The following MCUB variants were observed in gnomAD, a reference collection of about 807,000 sequenced individuals.
The protein encoded by MCUB is calcium uniporter regulatory subunit MCUb, mitochondrial.
In MCUB, 46 loss-of-function variants were observed where a neutral mutation model predicts 41.4. That is an observed-to-expected ratio of 1.11 (90% CI 0.88 to 1.42). MCUB has a LOEUF of 1.42. Among genes scored for constraint, MCUB ranks in the 40% most tolerant of loss-of-function variants. The pLI, the probability that MCUB is intolerant of heterozygous loss-of-function variation, is 0.00. For missense variants in MCUB, 403 were observed against 404.9 expected (o/e 1.00, Z 0.04); for synonymous variants, 148 against 148.2 (o/e 1.00, Z 0.01).
At chr4:109,644,512 T>C (rs1383804685) in intron 1 of MCUB, among the ~76,000 whole-genome samples, 1 of 152,256 alleles carries the variant, frequency 6.6e-6, no homozygotes, top group Admixed American at 6.5e-5. Context: ...CCTATGGATC[T>C]AACAGAATTT....
intron 1 of MCUB, among the ~76,000 whole-genome samples, chr4:109,611,268 C>T (rs1454758083): frequency 7.2e-5 from 11 of 152,216 alleles, no homozygotes. Flanking sequence ...CACTTTGGAA[C>T]TTAGCCCAGG....
chr4:109,628,081 G>A (rs192383391), intron 1 of MCUB, among the ~76,000 whole-genome samples: 1 of 152,304 alleles, frequency 6.6e-6, no homozygotes, highest in Non-Finnish European at 1.5e-5. Flanking sequence ...TGGGGCAGGA[G>A]CAACATTGGG....
chr4:109,580,170 G>A (rs1182095488), intron 1 of MCUB, among the ~76,000 whole-genome samples: 12 of 152,134 alleles, frequency 7.9e-5, no homozygotes. Flanking sequence ...CGGAGTGATG[G>A]TTTCCAGCTG....
intron 1 of MCUB, among the ~76,000 whole-genome samples, chr4:109,653,757 T>C (rs1156304401): frequency 1.3e-5 from 2 of 152,210 alleles, no homozygotes; most frequent in Non-Finnish European, 2.9e-5. Flanking sequence ...GTATTTTTTG[T>C]AGAGATGGGG....
chr4:109,589,992 A>G (rs1474995501), intron 1 of MCUB, among the ~76,000 whole-genome samples: 2 of 152,216 alleles, frequency 1.3e-5, no homozygotes, highest in Admixed American at 1.3e-4. Context: ...ACCATCAACC[A>G]ATTTGTCTAG....
intron 1 of MCUB, among the ~76,000 whole-genome samples, chr4:109,633,470 A>G (rs1387161808): frequency 6.6e-6 from 1 of 151,920 alleles, no homozygotes; most frequent in East Asian, 1.9e-4. Context: ...AAGGTTTCAC[A>G]GTGTTAGCCA....
At chr4:109,604,564 A>T (rs1727827340) in intron 1 of MCUB, among the ~76,000 whole-genome samples, 1 of 152,158 alleles carries the variant, frequency 6.6e-6, no homozygotes, top group Non-Finnish European at 1.5e-5. Flanking sequence ...GGTAAATAAC[A>T]GTGGTGAAAG....
Position 109,566,023 on chromosome 4 carries a change from G to T in MCUB, c.99+5587G>T, listed in dbSNP as rs543354464. On this transcript the variant is annotated intron_variant, in intron 1 of 7. Coordinates refer to ENST00000394650, the MANE Select transcript of MCUB (RefSeq NM_017918.5). ...ATGCCTGGCTAATTTTTTGTGTTTTGTTTGTTTGTTTTTGTAGAGACAAGG... is the reference window on the plus strand; with the variant it reads ...ATGCCTGGCTAATTTTTTGTGTTTTTTTTGTTTGTTTTTGTAGAGACAAGG... 1.9e-3 allele frequency among the ~76,000 whole-genome samples: 282 copies of T among 151,038 alleles called. 1 individual carries two copies. Among genetic ancestry groups the T allele is most frequent in the Non-Finnish European group, 3.1e-3 (212 of 67,516 alleles).
chr4:109,577,598 CTTTTTTTTT>C (rs71594195), intron 1 of MCUB, among the ~76,000 whole-genome samples: 4 of 48,662 alleles, frequency 8.2e-5, no homozygotes, highest in African/African-American at 3.1e-4. Flanking sequence ...TACTTGAATT[CTTTTTTTTT>C]TTTTTTTTTT....
chr4:109,637,766 G>T (rs569199419), intron 1 of MCUB, among the ~76,000 whole-genome samples: 1 of 152,152 alleles, frequency 6.6e-6, no homozygotes, highest in Admixed American at 6.5e-5. Flanking sequence ...TGGGAGGGGG[G>T]TGAGGGAATA....
Position 109,677,773 on chromosome 4 carries a change from A to G in MCUB, c.452-4809A>G, listed in dbSNP as rs559597365. Among the ~76,000 whole-genome samples the G allele has an allele frequency of 7.3e-5, 11 of 150,126 alleles. No homozygotes were observed. In the South Asian group the frequency reaches 2.4e-3, roughly 32 times the overall value. The stretch of plus-strand genomic sequence containing the variant: ...ATCTTGGATTTCCCAGCCTCCACTA[A>G]CAAATTTCTGTTCCTTATAAGGAAA... On this transcript the variant is annotated intron_variant, in intron 4 of 7. Transcript: ENST00000394650.
chr4:109,674,368 A>T (rs1729527019), intron 4 of MCUB, among the ~76,000 whole-genome samples: 1 of 152,208 alleles, frequency 6.6e-6, no homozygotes, highest in Non-Finnish European at 1.5e-5. Flanking sequence ...AATGCACTTG[A>T]TGGTGTTGAA....
intron 1 of MCUB, among the ~76,000 whole-genome samples, chr4:109,653,089 C>T (rs13144711): frequency 0.2 from 29,753 of 152,104 alleles, 4,626 homozygotes; most frequent in African/African-American, 0.43. Flanking sequence ...TTATAAAGAA[C>T]GGTCAGGCTG....
chr4:109,596,029 CCTGGG>C (rs1727549021), intron 1 of MCUB, among the ~76,000 whole-genome samples: 1 of 120,658 alleles, frequency 8.3e-6, no homozygotes, highest in Non-Finnish European at 1.7e-5. Context: ...TTATCCTTCA[CCTGGG>C]GCTGCACTAC....
In MCUB at chr4:109,665,491, C is replaced by T. The variant is rs894339626; in HGVS notation, c.451+1097C>T. Among the ~76,000 whole-genome samples, 3 of 152,048 alleles carry T rather than the reference C, an allele frequency of 2.0e-5. No individual in the cohort carries two copies. In the South Asian group the frequency reaches 6.2e-4, roughly 32 times the overall value. The stretch of plus-strand genomic sequence containing the variant: ...ACAGAATAGGGCCAGGCAAACTCTA[C>T]CAAACTCTACCAAAATTCAAGGATG... On this transcript the variant is annotated intron_variant, in intron 4 of 7. Coordinates refer to ENST00000394650, the MANE Select transcript of MCUB (RefSeq NM_017918.5).
intron 3 of MCUB, among the ~76,000 whole-genome samples, chr4:109,662,140 T>A (rs912485123): frequency 5.9e-5 from 9 of 152,332 alleles, no homozygotes; most frequent in Admixed American, 4.6e-4. Context: ...AGGTTGTTGT[T>A]AGGACTATAG....
chr4:109,588,189 G>GGC (rs1245156537), intron 1 of MCUB, among the ~76,000 whole-genome samples: 1 of 152,180 alleles, frequency 6.6e-6, no homozygotes, highest in African/African-American at 2.4e-5. Context: ...GTAGGATTGT[G>GGC]GCTGAACTGA....
At chr4:109,570,819 G>T (rs1726896571) in intron 1 of MCUB, among the ~76,000 whole-genome samples, 1 of 152,194 alleles carries the variant, frequency 6.6e-6, no homozygotes, top group South Asian at 2.1e-4. Context: ...GGAATAACAG[G>T]AATGGATACA....
At chr4:109,603,404 T>G (rs1447591978) in intron 1 of MCUB, among the ~76,000 whole-genome samples, 2 of 152,194 alleles carry the variant, frequency 1.3e-5, no homozygotes, top group Non-Finnish European at 2.9e-5. Flanking sequence ...GTGCTCAATG[T>G]TGCCCAGGCT....
Sources: allele counts gnomAD v4.1 joint callset (sites outside exome capture counted in the v4.1 genomes callset), GRCh38; gene constraint gnomAD v4.1.1; transcripts MANE v1.5; gene names NCBI Gene and HGNC (gene_info 2026-07-23, HGNC 2026-07-21).